The following TMEM117 variants were observed in gnomAD, a reference collection of about 807,000 sequenced individuals.
TMEM117 encodes transmembrane protein 117.
A neutral mutation model predicts 52.4 loss-of-function variants in TMEM117; 27 were observed. The ratio of observed to expected loss-of-function variants is 0.51; its 90% CI spans 0.38 to 0.71. TMEM117 has a LOEUF of 0.71. TMEM117 is among the 30% of genes least tolerant of loss of function. TMEM117 has a pLI of 0.00. For synonymous variants in TMEM117, 215 were observed against 206.3 expected (o/e 1.04, Z -0.36); for missense variants, 556 against 630.5 (o/e 0.88, Z 1.26).
At chr12:43,798,493 A>C in the TMEM117 span, 4 of 1,416,574 alleles carry the variant, frequency 2.8e-6, no homozygotes, top group Non-Finnish European at 3.7e-6. Flanking sequence ...CTTTTAAAAA[A>C]ATGAATGGAG....
chr12:44,345,897 A>G (rs1008719350), intron 6 of TMEM117, among the ~76,000 whole-genome samples: 2 of 152,086 alleles, frequency 1.3e-5, no homozygotes, highest in African/African-American at 4.8e-5. Context: ...GTAATCTCTT[A>G]TCCTCCACAA....
chr12:44,185,887 C>CACACACACACACACAA (rs1949271241), intron 4 of TMEM117, among the ~76,000 whole-genome samples: 2 of 151,342 alleles, frequency 1.3e-5, no homozygotes, highest in Non-Finnish European at 3.0e-5. Flanking sequence ...CACACACACA[C>CACACACACACACACAA]ACACACACAC....
At chr12:44,323,207 A>G (rs1284272877) in intron 6 of TMEM117, among the ~76,000 whole-genome samples, 1 of 152,166 alleles carries the variant, frequency 6.6e-6, no homozygotes, top group East Asian at 1.9e-4. Flanking sequence ...TTGATTTTAG[A>G]CTAGTGAGAC....
At chr12:44,227,072 T>G (rs1949871418) in intron 5 of TMEM117, among the ~76,000 whole-genome samples, 2 of 152,198 alleles carry the variant, frequency 1.3e-5, no homozygotes, top group Non-Finnish European at 2.9e-5. Context: ...CCTGCATGCC[T>G]TTGGCTCAAG....
the TMEM117 span, chr12:43,797,767 G>C: frequency 3.1e-6 from 5 of 1,613,396 alleles, no homozygotes; most frequent in Non-Finnish European, 3.4e-6. Context: ...AAGGCTTCTC[G>C]AGAAATGGGA....
intron 2 of TMEM117, among the ~76,000 whole-genome samples, chr12:43,935,100 T>C (rs1356957294): frequency 1.3e-5 from 2 of 152,134 alleles, no homozygotes; most frequent in Non-Finnish European, 2.9e-5. Flanking sequence ...CTCAACCTCC[T>C]TGGGCTCAGT....
the TMEM117 span, chr12:43,798,499 T>C: frequency 2.8e-6 from 4 of 1,420,596 alleles, no homozygotes; most frequent in Non-Finnish European, 2.8e-6. Context: ...AAAAAATGAA[T>C]GGAGATTCTA....
intron 2 of TMEM117, among the ~76,000 whole-genome samples, chr12:43,852,529 G>A (rs575390572): frequency 8.5e-5 from 13 of 152,332 alleles, no homozygotes; most frequent in African/African-American, 3.1e-4. Flanking sequence ...TTGAACCCAG[G>A]AGGCAGAGGT....
intron 5 of TMEM117, among the ~76,000 whole-genome samples, chr12:44,249,159 A>T (rs913805870): frequency 5.9e-5 from 9 of 152,042 alleles, no homozygotes; most frequent in African/African-American, 2.2e-4. Context: ...AAATAAAGAT[A>T]TTTAATGTAG....
intron 6 of TMEM117, among the ~76,000 whole-genome samples, chr12:44,310,132 A>G (rs1229635798): frequency 2.0e-5 from 3 of 152,254 alleles, no homozygotes; most frequent in Admixed American, 6.5e-5. Context: ...TGTCAAAAGT[A>G]CATAATGTGG....
intron 3 of TMEM117, among the ~76,000 whole-genome samples, chr12:44,117,717 A>G (rs1948169026): frequency 6.6e-6 from 1 of 151,870 alleles, no homozygotes. Context: ...TATATCATCT[A>G]TATTTGACCT....
At chr12:44,080,674 C>T (rs771999445) in intron 3 of TMEM117, among the ~76,000 whole-genome samples, 2 of 151,860 alleles carry the variant, frequency 1.3e-5, no homozygotes, top group African/African-American at 2.4e-5. Context: ...ATGATTTTCA[C>T]GTTTTTAAAT....
intron 3 of TMEM117, among the ~76,000 whole-genome samples, chr12:44,130,792 T>C (rs1194769401): frequency 6.6e-6 from 1 of 152,104 alleles, no homozygotes; most frequent in Non-Finnish European, 1.5e-5. Flanking sequence ...TTCACCTAAA[T>C]TTTCATTTTT....
At chr12:43,900,560 A>T (rs1944287272) in intron 2 of TMEM117, among the ~76,000 whole-genome samples, 2 of 152,070 alleles carry the variant, frequency 1.3e-5, no homozygotes, top group South Asian at 4.2e-4. Context: ...TCTACTAAAA[A>T]TACAAAAATT....
chr12:43,869,381 A>C (rs1430902077), intron 2 of TMEM117, among the ~76,000 whole-genome samples: 2 of 152,212 alleles, frequency 1.3e-5, no homozygotes, highest in African/African-American at 2.4e-5. Flanking sequence ...AGCACTTTAT[A>C]AATAATAACT....
chr12:44,037,004 T>C (rs992848637), intron 3 of TMEM117, among the ~76,000 whole-genome samples: 3 of 152,168 alleles, frequency 2.0e-5, no homozygotes, highest in Non-Finnish European at 4.4e-5. Flanking sequence ...CCACCTGGAG[T>C]GACCGCTGCA....
the TMEM117 span, among the ~76,000 whole-genome samples, chr12:43,815,188 T>C: frequency 6.6e-6 from 1 of 152,348 alleles, no homozygotes; most frequent in African/African-American, 2.4e-5. Context: ...TAAGGACAAG[T>C]ATATTCAGTG....
At chr12:44,319,672 G>T in intron 6 of TMEM117, among the ~76,000 whole-genome samples, 1 of 152,258 alleles carries the variant, frequency 6.6e-6, no homozygotes, top group East Asian at 1.9e-4. Flanking sequence ...TTCTGATGAC[G>T]TAAATACAAA....
intron 5 of TMEM117, among the ~76,000 whole-genome samples, chr12:44,283,896 C>G (rs1950607054): frequency 6.6e-6 from 1 of 152,104 alleles, no homozygotes; most frequent in Non-Finnish European, 1.5e-5. Context: ...GTAATTGAAT[C>G]ATGGGGGCTG....
Sources: allele counts gnomAD v4.1 joint callset (sites outside exome capture counted in the v4.1 genomes callset), GRCh38; gene constraint gnomAD v4.1.1; transcripts MANE v1.5; gene names NCBI Gene and HGNC (gene_info 2026-07-23, HGNC 2026-07-21).